SHPRH: variants seen among roughly 807,000 people sequenced by gnomAD.
SHPRH encodes E3 ubiquitin-protein ligase SHPRH.
Under a neutral mutation model 202.5 loss-of-function variants are expected in SHPRH, and 106 were observed. The observed-to-expected ratio is 0.52, with a 90% CI of 0.45 to 0.62. SHPRH has a LOEUF of 0.62. SHPRH is among the 20% of genes least tolerant of loss of function. The pLI, the probability that SHPRH is intolerant of heterozygous loss-of-function variation, is 0.00. For synonymous variants in SHPRH, 729 were observed against 686.0 expected, an observed-to-expected ratio of 1.06 and a Z score of -0.98; for missense variants, 1,710 against 2,020.0, an observed-to-expected ratio of 0.85 and a Z score of 2.94.
At chr6:145,945,099 T>C (rs1227076978) in intron 8 of SHPRH, among the ~76,000 whole-genome samples, 2 of 152,140 alleles carry the variant, frequency 1.3e-5, no homozygotes, top group Admixed American at 6.6e-5. Context: ...TTATACTCTA[T>C]AATACGCTTA....
intron 25 of SHPRH, among the ~76,000 whole-genome samples, chr6:145,895,388 A>G (rs1781926214): frequency 6.6e-6 from 1 of 152,110 alleles, no homozygotes; most frequent in African/African-American, 2.4e-5. Context: ...ACAATGAATC[A>G]AAACTCCCAA....
chr6:145,897,257 C>T (rs1277564994), intron 25 of SHPRH, among the ~76,000 whole-genome samples: 2 of 151,860 alleles, frequency 1.3e-5, no homozygotes, highest in African/African-American at 4.8e-5. Context: ...GACTTATGAA[C>T]AACTATACGC....
intron 2 of SHPRH, among the ~76,000 whole-genome samples, chr6:145,870,102 G>A (rs765692854): frequency 4.6e-5 from 7 of 151,674 alleles, no homozygotes; most frequent in Admixed American, 1.3e-4. Flanking sequence ...TTTTTGGGGG[G>A]TGCTAAAGTA....
chr6:145,942,984 C>G lies in SHPRH; in HGVS notation c.2238+159G>C, dbSNP rs530455920. ...AGAATAACATTGTACTGTTCTAGTT[C>G]TTAGTCTCAATTTTTTTCTTTAAGC... On this transcript the variant is annotated intron_variant, in intron 9 of 29. Coordinates refer to ENST00000275233, the MANE Select transcript of SHPRH (RefSeq NM_001042683.3). Among the ~76,000 whole-genome samples the G allele has an allele frequency of 2.0e-5, 3 of 152,250 alleles. No homozygotes were observed. The South Asian group carries it at 6.2e-4, about 32-fold the overall frequency.
At chr6:145,880,173 T>C (rs552753228), downstream of SHPRH, among the ~76,000 whole-genome samples, 1 of 152,130 alleles carries the variant, frequency 6.6e-6, no homozygotes, top group Admixed American at 6.6e-5. Flanking sequence ...CCAAACATTC[T>C]AGAAACTTCA....
At chr6:145,923,207 A>AAC (rs1482518070) in intron 18 of SHPRH, among the ~76,000 whole-genome samples, 1 of 151,824 alleles carries the variant, frequency 6.6e-6, no homozygotes, top group African/African-American at 2.4e-5. Context: ...TGCAGGATGA[A>AAC]ACATAAAAGC....
intron 13 of SHPRH, among the ~76,000 whole-genome samples, chr6:145,933,897 T>A (rs961190555): frequency 6.6e-6 from 1 of 152,080 alleles, no homozygotes. Context: ...ATCAGAGAGA[T>A]AGAAAATATT....
chr6:145,867,621 TATATATATATAGAG>T (rs1297277070), intron 2 of SHPRH, among the ~76,000 whole-genome samples: 7 of 70,012 alleles, frequency 1.0e-4, no homozygotes, highest in African/African-American at 4.9e-4. Flanking sequence ...TATATATATA[TATATATATATAGAG>T]AGAGAGAGAG....
intron 2 of SHPRH, among the ~76,000 whole-genome samples, chr6:145,878,212 A>G (rs1346149970): frequency 3.3e-5 from 5 of 152,198 alleles, no homozygotes; most frequent in Non-Finnish European, 7.3e-5. Context: ...GAGTTCTCAT[A>G]TACCCCTGCC....
chr6:145,871,929 A>C (rs1212020294), intron 2 of SHPRH, among the ~76,000 whole-genome samples: 1 of 152,224 alleles, frequency 6.6e-6, no homozygotes, highest in Non-Finnish European at 1.5e-5. Context: ...CAAACCTGAC[A>C]AAAACAAGCA....
At chr6:145,910,752 T>C in intron 24 of SHPRH, 116 bp from the exon 25 acceptor site, 1 of 1,052,508 alleles carries the variant, frequency 9.5e-7, no homozygotes, top group South Asian at 2.4e-5. Context: ...TTAATATTCT[T>C]TGTCATAAAG....
chr6:145,892,599 T>C (rs1248833165), intron 28 of SHPRH, among the ~76,000 whole-genome samples: 2 of 152,024 alleles, frequency 1.3e-5, no homozygotes, highest in Non-Finnish European at 2.9e-5. Flanking sequence ...ACTTCTAACA[T>C]CCAGAAGGTA....
At chr6:145,891,174 A>G (rs531830783) in intron 28 of SHPRH, among the ~76,000 whole-genome samples, 1 of 152,252 alleles carries the variant, frequency 6.6e-6, no homozygotes, top group East Asian at 1.9e-4. Flanking sequence ...TCCTGGGCCC[A>G]ATGTAATCCC....
In SHPRH at chr6:145,934,994, G is replaced by A; in HGVS notation, c.2903C>T (p.Thr968Ile). 2 of 1,614,066 alleles carry A rather than the reference G, an allele frequency of 1.2e-6. No homozygotes were observed. The highest frequency in any genetic ancestry group is 1.7e-6 in the Non-Finnish European group (2 of 1,179,996). ...CCTCAGCAATGGATACAGGATAGAG[G>A]TGACAGTCCTTCTGTCTAGGCTGCT... ...KLSSLDRRTVTSILYPLLRLR... is the reference protein window; with the variant it reads ...KLSSLDRRTVISILYPLLRLR... Residue 968 changes from threonine (T) to isoleucine (I), a missense_variant, in exon 13 of 30, where the codon ACC (threonine) becomes ATC (isoleucine). Physicochemically the swap from Thr to Ile is moderately conservative, Grantham distance 89. Coordinates refer to ENST00000275233, the MANE Select transcript of SHPRH (RefSeq NM_001042683.3).
chr6:145,881,483 T>C (rs2128700358), downstream of SHPRH: 1 of 152,290 alleles, frequency 6.6e-6, no homozygotes, highest in African/African-American at 2.4e-5. Flanking sequence ...TGGAGATCCC[T>C]AAGGACCACA....
At chr6:145,913,674 G>T in intron 23 of SHPRH, 125 bp from the exon 24 acceptor site, 1 of 656,058 alleles carries the variant, frequency 1.5e-6, no homozygotes, top group South Asian at 2.2e-5. Context: ...TAACAATTTA[G>T]ATGACCCATC....
In SHPRH at chr6:145,943,339, T is replaced by G; in HGVS notation, c.2042A>C (p.His681Pro). The G allele has an allele frequency of 6.2e-7, 1 of 1,613,874 alleles. No homozygotes were observed. The highest frequency in any genetic ancestry group is 8.5e-7 in the Non-Finnish European group (1 of 1,179,928). The change falls in exon 9 of 30, where the codon CAC becomes CCC. Residue 681 changes from histidine to proline, a missense_variant. Around this residue, in one of 8 missense-constraint regions of SHPRH, gnomAD observed 277 missense variants for 363.0 expected, o/e 0.76. Coordinates refer to ENST00000275233, the MANE Select transcript of SHPRH (RefSeq NM_001042683.3). ...RKPRVQCLKC[H>P]LWQHAKCVNY... is the part of the protein sequence containing the mutation. ...CACACACTTTGCATGTTGCCACAGG[T>G]GACACTTCAGGCATTGAACACGAGG...
intron 9 of SHPRH, among the ~76,000 whole-genome samples, chr6:145,942,800 A>G (rs2128781798): frequency 6.6e-6 from 1 of 152,320 alleles, no homozygotes; most frequent in African/African-American, 2.4e-5. Context: ...TCAGATAAGT[A>G]GCTCCTATTA....
chr6:145,950,189 A>G, intron 4 of SHPRH, 75 bp downstream of exon 4: 1 of 1,257,502 alleles, frequency 8.0e-7, no homozygotes. Flanking sequence ...TTAATGATCA[A>G]TTTCACCCTG....
Sources: allele counts gnomAD v4.1 joint callset (sites outside exome capture counted in the v4.1 genomes callset), GRCh38; gene constraint gnomAD v4.1.1; regional missense constraint gnomAD v4.1.1; transcripts MANE v1.5; gene names NCBI Gene and HGNC (gene_info 2026-07-23, HGNC 2026-07-21).